PTPRD: variants seen among roughly 807,000 people sequenced by gnomAD.
PTPRD encodes the protein protein tyrosine phosphatase receptor type D, also known as receptor-type tyrosine-protein phosphatase delta.
Under a neutral mutation model 214.5 loss-of-function variants are expected in PTPRD, and 34 were observed. That is an observed-to-expected ratio of 0.16 (90% CI 0.12 to 0.21). PTPRD has a LOEUF of 0.21. Ranked by LOEUF, PTPRD falls within the 10% of genes least tolerant of loss-of-function variation. The probability of loss-of-function intolerance (pLI) is 1.00; values close to 1 mark genes in which losing one functional copy is unlikely to be tolerated. For missense variants in PTPRD, 2,545 were observed against 2,398.7 expected, an observed-to-expected ratio of 1.06 and a Z score of -1.27; for synonymous variants, 1,128 against 845.7, an observed-to-expected ratio of 1.33 and a Z score of -5.79.
At chr9:9,781,218 G>T (rs1310593234) in intron 5 of PTPRD, among the ~76,000 whole-genome samples, 1 of 152,078 alleles carries the variant, frequency 6.6e-6, no homozygotes, top group Non-Finnish European at 1.5e-5. Flanking sequence ...GGTTCATCAG[G>T]GGTAACAAAT....
intron 8 of PTPRD, among the ~76,000 whole-genome samples, chr9:9,478,042 C>T (rs187341457): frequency 2.0e-5 from 3 of 152,180 alleles, no homozygotes; most frequent in Admixed American, 6.5e-5. Flanking sequence ...ACACATGGAC[C>T]GTTCTGAAAA....
At chr9:10,414,453 A>G (rs1465585285) in intron 2 of PTPRD, among the ~76,000 whole-genome samples, 2 of 151,826 alleles carry the variant, frequency 1.3e-5, no homozygotes, top group Admixed American at 1.3e-4. Context: ...TGCTGGCAAG[A>G]TCATGCAGAA....
At chr9:10,600,011 C>T (rs2077565301) in intron 2 of PTPRD, among the ~76,000 whole-genome samples, 1 of 151,626 alleles carries the variant, frequency 6.6e-6, no homozygotes, top group Non-Finnish European at 1.5e-5. Context: ...TTATTTTTGG[C>T]TTGTGACCTA....
intron 14 of PTPRD, among the ~76,000 whole-genome samples, chr9:8,578,635 C>T (rs2092727056): frequency 6.6e-6 from 1 of 152,090 alleles, no homozygotes; most frequent in Non-Finnish European, 1.5e-5. Context: ...CAGGATCCGC[C>T]CACACTAGCT....
At chr9:8,763,366 T>C (rs752648919) in intron 11 of PTPRD, among the ~76,000 whole-genome samples, 5 of 151,252 alleles carry the variant, frequency 3.3e-5, no homozygotes, top group Non-Finnish European at 5.9e-5. Context: ...ATACAAAAAT[T>C]AGCTGGGTAT....
chr9:8,876,382 C>T (rs2098390614), intron 11 of PTPRD, among the ~76,000 whole-genome samples: 2 of 152,080 alleles, frequency 1.3e-5, no homozygotes, highest in Admixed American at 1.3e-4. Flanking sequence ...TGCCAGTTTA[C>T]CTTTCCTTTT....
At chr9:9,533,664 T>C (rs891067442) in intron 8 of PTPRD, among the ~76,000 whole-genome samples, 3 of 152,098 alleles carry the variant, frequency 2.0e-5, no homozygotes, top group Non-Finnish European at 4.4e-5. Context: ...ATTTGTTGTA[T>C]CTAATTTTCA....
chr9:9,611,159 G>C (rs559293799), intron 7 of PTPRD, among the ~76,000 whole-genome samples: 11 of 152,092 alleles, frequency 7.2e-5, no homozygotes, highest in African/African-American at 2.7e-4. Flanking sequence ...TGAATATTTA[G>C]GTTGTCTTCA....
intron 8 of PTPRD, among the ~76,000 whole-genome samples, chr9:9,487,590 G>C (rs1419025215): frequency 1.3e-5 from 2 of 151,904 alleles, no homozygotes; most frequent in Non-Finnish European, 2.9e-5. Flanking sequence ...TTTTTCATTT[G>C]CACTCTCAGA....
At chr9:10,465,160 C>T (rs940530854) in intron 2 of PTPRD, among the ~76,000 whole-genome samples, 3 of 152,106 alleles carry the variant, frequency 2.0e-5, no homozygotes, top group African/African-American at 7.2e-5. Flanking sequence ...ATAATGAATC[C>T]TGGTTAGTAA....
chr9:8,610,153 C>A (rs1037799767), intron 14 of PTPRD, among the ~76,000 whole-genome samples: 3 of 143,404 alleles, frequency 2.1e-5, no homozygotes, highest in African/African-American at 9.0e-5. Flanking sequence ...TCTTTATCAT[C>A]ATCATTATTA....
intron 2 of PTPRD, among the ~76,000 whole-genome samples, chr9:10,454,861 T>C (rs1337682688): frequency 1.3e-5 from 2 of 151,158 alleles, no homozygotes; most frequent in Non-Finnish European, 3.0e-5. Context: ...AATAGAAAAC[T>C]CTAAGAGTGG....
chr9:9,987,321 A>G (rs1340117031), intron 4 of PTPRD, among the ~76,000 whole-genome samples: 1 of 152,178 alleles, frequency 6.6e-6, no homozygotes, highest in East Asian at 1.9e-4. Context: ...CACACTGCTG[A>G]TAAGACATGC....
intron 34 of PTPRD, among the ~76,000 whole-genome samples, chr9:8,439,268 G>GT (rs1479351872): frequency 6.6e-6 from 1 of 152,158 alleles, no homozygotes; most frequent in Non-Finnish European, 1.5e-5. Context: ...ATCACCTTTT[G>GT]TGAAGCGCCT....
intron 3 of PTPRD, among the ~76,000 whole-genome samples, chr9:10,082,795 C>G (rs1383557963): frequency 6.7e-6 from 1 of 148,346 alleles, no homozygotes; most frequent in Non-Finnish European, 1.5e-5. Context: ...AAGCACACCC[C>G]TTTCTTCTAC....
chr9:8,892,717 G>A (rs2098552367), intron 11 of PTPRD, among the ~76,000 whole-genome samples: 2 of 140,010 alleles, frequency 1.4e-5, no homozygotes, highest in South Asian at 2.2e-4. Flanking sequence ...GCGTATATGT[G>A]TATATATATA....
rs1330557664 is a variant in PTPRD, at chr9:8,517,903, G to C, written c.1488C>G (p.Thr496=). Residue 496 remains threonine, a synonymous_variant, in exon 21 of 46, where the codon ACC becomes ACG. Transcript: ENST00000381196. ...KTYSVKVLAF[T]SIGDGPLSSD... ...TTGAAAGGGGACCATCTCCAATTGA[G>C]GTAAAAGCCAGGACTTTGACAGAAT... 1 of 1,614,144 alleles carries C rather than the reference G, an allele frequency of 6.2e-7. No homozygotes were observed. Among genetic ancestry groups the C allele is most frequent in the East Asian group, 2.2e-5 (1 of 44,878 alleles).
chr9:10,342,378 TTGCC>T (rs2096957791), intron 2 of PTPRD, among the ~76,000 whole-genome samples: 1 of 152,132 alleles, frequency 6.6e-6, no homozygotes, highest in Non-Finnish European at 1.5e-5. Flanking sequence ...TTCAATACTA[TTGCC>T]TGCCTTTTTA....
intron 3 of PTPRD, among the ~76,000 whole-genome samples, chr9:10,329,488 T>C (rs1478184206): frequency 1.3e-5 from 2 of 151,964 alleles, no homozygotes; most frequent in Admixed American, 6.6e-5. Context: ...ATGAAGTCTG[T>C]TCATGAATAT....
Sources: allele counts gnomAD v4.1 joint callset (sites outside exome capture counted in the v4.1 genomes callset), GRCh38; gene constraint gnomAD v4.1.1; transcripts MANE v1.5; gene names NCBI Gene and HGNC (gene_info 2026-07-23, HGNC 2026-07-21).